USP24: variants seen among roughly 807,000 people sequenced by gnomAD.
The protein encoded by USP24 is ubiquitin specific peptidase 24.
A neutral mutation model predicts 361.6 loss-of-function variants in USP24; 97 were observed. That is an observed-to-expected ratio of 0.27 (90% CI 0.23 to 0.32). The LOEUF is 0.32. Among genes scored for constraint, USP24 ranks in the 10% least tolerant of loss-of-function variants. USP24 has a pLI of 1.00. For missense variants in USP24, 2,353 were observed against 3,165.6 expected, an observed-to-expected ratio of 0.74 and a Z score of 6.16; for synonymous variants, 1,098 against 1,124.6, an observed-to-expected ratio of 0.98 and a Z score of 0.47.
intron 53 of USP24, 99 bp from the exon 54 acceptor site, chr1:55,092,225 T>C: frequency 1.4e-6 from 1 of 722,964 alleles, no homozygotes; most frequent in East Asian, 2.8e-5. Flanking sequence ...AATATATGAA[T>C]ATGATATACA....
chr1:55,094,641 T>C (rs1319759861), intron 51 of USP24, among the ~76,000 whole-genome samples: 2 of 151,244 alleles, frequency 1.3e-5, no homozygotes, highest in Non-Finnish European at 2.9e-5. Flanking sequence ...TCTGACAGTG[T>C]TGGCATAGCA....
At position 55,096,932 on chromosome 1, in the gene USP24, C is replaced by T. The variant is rs1476833334; in HGVS notation, c.5936+20G>A. On this transcript the variant is annotated intron_variant, in intron 49 of 67. Transcript: ENST00000294383. ...GGGGAGGGCAGAAAGTGAGTAAGTG[C>T]TGCCTCAGGAAACTCTTACCGCCTG... The T allele has an allele frequency of 2.5e-6, 4 of 1,607,034 alleles. No individual in the cohort carries two copies. Among genetic ancestry groups the T allele is most frequent in the Admixed American group, 1.7e-5 (1 of 59,254 alleles).
chr1:55,180,541 G>A (rs972235160), intron 1 of USP24, among the ~76,000 whole-genome samples: 3 of 152,196 alleles, frequency 2.0e-5, no homozygotes, highest in Non-Finnish European at 4.4e-5. Context: ...GTATCATGGA[G>A]CAGAGATAAA....
chr1:55,161,363 CTCTG>C lies in USP24; in HGVS notation c.993+832_993+835del, dbSNP rs537643626. Reference sequence around the variant, plus strand: ...CTCCAGCCTGGGCAACAGAGCGAGACTCTGTCTGGAAAAAAAAAAAAAGAAAAGA... The same window carrying C: ...CTCCAGCCTGGGCAACAGAGCGAGACTCTGGAAAAAAAAAAAAAGAAAAGA... On this transcript the variant is annotated intron_variant, in intron 8 of 67. Transcript: ENST00000294383. Among the ~76,000 whole-genome samples the C allele has an allele frequency of 8.7e-4, 130 of 148,888 alleles. 1 individual carries two copies. The East Asian group carries it at 0.023, about 27-fold the overall frequency.
rs1317245375 is a variant in USP24, at chr1:55,143,139, T to C, written c.2440-20A>G. The C allele has an allele frequency of 7.5e-6, 11 of 1,461,726 alleles. No individual in the cohort carries two copies. The highest frequency in any genetic ancestry group is 8.1e-6 in the Non-Finnish European group (9 of 1,108,134). The allele number at this position is 1,461,726 out of a possible 1,614,324, so 90.5% of individuals were successfully genotyped here. Reference sequence around the variant, plus strand: ...TACATACTGTTCAAAAGAAAAAAAATTAAATTATAAAGCATATCAAGATCA... The same window carrying C: ...TACATACTGTTCAAAAGAAAAAAAACTAAATTATAAAGCATATCAAGATCA... On this transcript the variant is annotated intron_variant, in intron 21 of 67. Transcript: ENST00000294383.
intron 52 of USP24, 83 bp downstream of exon 52, chr1:55,093,854 A>G: frequency 6.4e-7 from 1 of 1,551,286 alleles, no homozygotes; most frequent in Non-Finnish European, 8.8e-7. Context: ...CAACTAATCC[A>G]GCAGAAGTAC....
chr1:55,155,171 T>C (rs1647508110), intron 12 of USP24, among the ~76,000 whole-genome samples: 1 of 152,226 alleles, frequency 6.6e-6, no homozygotes, highest in Non-Finnish European at 1.5e-5. Context: ...AAGGTTCCAA[T>C]TGAGCGTATT....
intron 59 of USP24, 109 bp from the exon 60 acceptor site, chr1:55,079,768 G>A (rs1431190034): frequency 1.1e-5 from 16 of 1,404,318 alleles, no homozygotes; most frequent in Admixed American, 3.1e-5. Context: ...CACACACTGA[G>A]TACTCTCACA....
chr1:55,161,981 C>T (rs1216826728), intron 8 of USP24, among the ~76,000 whole-genome samples: 1 of 151,914 alleles, frequency 6.6e-6, no homozygotes, highest in Admixed American at 6.6e-5. Context: ...AAATGATAAA[C>T]TGAAAAGGTA....
intron 38 of USP24, among the ~76,000 whole-genome samples, chr1:55,112,691 G>A (rs559278250): frequency 6.3e-4 from 96 of 152,184 alleles, no homozygotes; most frequent in Middle Eastern, 3.4e-3. Context: ...CAATTATGTG[G>A]TCAATTTTAG....
chr1:55,138,340 T>C (rs569009825), intron 26 of USP24, among the ~76,000 whole-genome samples: 44 of 152,298 alleles, frequency 2.9e-4, no homozygotes, highest in African/African-American at 1.0e-3. Flanking sequence ...CTAAAATATT[T>C]TGTGCATTCC....
intron 10 of USP24, among the ~76,000 whole-genome samples, chr1:55,158,000 C>A (rs550626261): frequency 6.6e-6 from 1 of 152,290 alleles, no homozygotes; most frequent in South Asian, 2.1e-4. Context: ...ACTTCATATG[C>A]AGAAGGAGTG....
chr1:55,104,490 C>T (rs932468747), intron 41 of USP24, among the ~76,000 whole-genome samples: 2 of 152,272 alleles, frequency 1.3e-5, no homozygotes, highest in East Asian at 3.9e-4. Context: ...GACAAAAATA[C>T]AGTTTGTCAA....
At chr1:55,131,860 T>G (rs759630169) in intron 31 of USP24, among the ~76,000 whole-genome samples, 16 of 152,186 alleles carry the variant, frequency 1.1e-4, no homozygotes, top group Non-Finnish European at 1.8e-4. Context: ...GCAAAATCAT[T>G]CAGGGCTTTA....
chr1:55,120,455 A>G, intron 38 of USP24, 141 bp downstream of exon 38: 1 of 997,150 alleles, frequency 1.0e-6, no homozygotes, highest in Non-Finnish European at 1.4e-6. Flanking sequence ...TCCAAATGCC[A>G]TCTTTCAGGA....
At chr1:55,201,902 C>T (rs1644585726) in intron 1 of USP24, among the ~76,000 whole-genome samples, 1 of 152,136 alleles carries the variant, frequency 6.6e-6, no homozygotes, top group South Asian at 2.1e-4. Context: ...CTATCTCTGC[C>T]AACTGCAAGG....
chr1:55,150,981 C>T (rs1334199634), intron 16 of USP24, among the ~76,000 whole-genome samples: 2 of 152,146 alleles, frequency 1.3e-5, no homozygotes, highest in Non-Finnish European at 2.9e-5. Flanking sequence ...TGCCTAAATT[C>T]TCTTTATTCA....
intron 38 of USP24, among the ~76,000 whole-genome samples, chr1:55,110,651 CA>C (rs1645923089): frequency 6.6e-6 from 1 of 152,030 alleles, no homozygotes; most frequent in African/African-American, 2.4e-5. Flanking sequence ...ACACATTTGT[CA>C]AGTGGTAATA....
intron 1 of USP24, among the ~76,000 whole-genome samples, chr1:55,183,068 G>A (rs1279268038): frequency 6.6e-6 from 1 of 152,134 alleles, no homozygotes; most frequent in Non-Finnish European, 1.5e-5. Flanking sequence ...AAATGCCAGA[G>A]TCACCAAAGA....
Sources: allele counts gnomAD v4.1 joint callset (sites outside exome capture counted in the v4.1 genomes callset), GRCh38; gene constraint gnomAD v4.1.1; transcripts MANE v1.5; gene names NCBI Gene and HGNC (gene_info 2026-07-23, HGNC 2026-07-21).